The following SLC15A2 variants were observed in gnomAD, a reference collection of about 807,000 sequenced individuals.
The protein encoded by SLC15A2 is solute carrier family 15 member 2.
SLC15A2 carries 77 observed loss-of-function variants against 95.5 expected under a neutral mutation model. The observed-to-expected ratio is 0.81, with a 90% CI of 0.67 to 0.97. SLC15A2 has a LOEUF of 0.97. Among genes scored for constraint, SLC15A2 ranks in the 50% least tolerant of loss-of-function variants. The pLI is 0.00. For missense variants in SLC15A2, 893 were observed against 874.4 expected, an observed-to-expected ratio of 1.02 and a Z score of -0.27; for synonymous variants, 306 against 306.9, an observed-to-expected ratio of 1.00 and a Z score of 0.03.
intron 13 of SLC15A2, among the ~76,000 whole-genome samples, chr3:121,925,586 C>T (rs1236360489): frequency 1.3e-5 from 2 of 148,650 alleles, no homozygotes; most frequent in East Asian, 3.9e-4. Flanking sequence ...ACCACTTTAC[C>T]AGATGAAAAT....
chr3:121,935,911 A>C (rs1336377215), intron 19 of SLC15A2, among the ~76,000 whole-genome samples: 1 of 151,632 alleles, frequency 6.6e-6, no homozygotes, highest in Non-Finnish European at 1.5e-5. Flanking sequence ...TAGTGCTATA[A>C]ATTTCCTTCT....
chr3:121,938,197 A>G (rs1710387840), intron 19 of SLC15A2, among the ~76,000 whole-genome samples: 1 of 151,980 alleles, frequency 6.6e-6, no homozygotes, highest in African/African-American at 2.4e-5. Context: ...TTAAGTCTGC[A>G]GAGGTTACTG....
Position 121,915,332 on chromosome 3 carries a change from G to T in SLC15A2, c.619+15G>T, listed in dbSNP as rs77257517. ...CATGCTGAGAGGTTAGGATTTTTTT[G>T]AGGGGCCCTGTATAAGGCTTTGCTC... On this transcript the variant is annotated intron_variant, in intron 6 of 21. Coordinates refer to ENST00000489711, the MANE Select transcript of SLC15A2 (RefSeq NM_021082.4). 7.4e-7 allele frequency: 1 copy of T among 1,345,688 alleles called. No homozygotes were observed. Among genetic ancestry groups the T allele is most frequent in the African/African-American group, 1.5e-5 (1 of 68,230 alleles). The allele number at this position is 1,345,688 out of a possible 1,614,324, so 83.4% of individuals were successfully genotyped here.
At position 121,894,408 on chromosome 3, in the gene SLC15A2, G is replaced by T; in HGVS notation, c.-69G>T. 1 of 1,217,966 alleles carries T rather than the reference G, an allele frequency of 8.2e-7. No individual in the cohort carries two copies. Among genetic ancestry groups the T allele is most frequent in the Non-Finnish European group, 1.2e-6 (1 of 845,968 alleles). The allele number at this position is 1,217,966 out of a possible 1,614,324, so 75.4% of individuals were successfully genotyped here. A position where few individuals can be genotyped will look rare whatever the true frequency, so the allele number is the denominator to read the frequency against. On this transcript the variant is annotated 5_prime_UTR_variant, in exon 1 of 22. Transcript: ENST00000489711. ...CTCCCAGTCCTTCTTTTCAGAGTAGGCTGGCAGCTGTCCTAACTGCCTACT... is the reference window on the plus strand; with the variant it reads ...CTCCCAGTCCTTCTTTTCAGAGTAGTCTGGCAGCTGTCCTAACTGCCTACT...
At chr3:121,931,517 ATAAT>A in intron 18 of SLC15A2, 118 bp from the exon 19 acceptor site, 1 of 583,820 alleles carries the variant, frequency 1.7e-6, no homozygotes, top group Non-Finnish European at 3.1e-6. Context: ...CTCTTCAAAG[ATAAT>A]TAGTGGCTTC....
intron 13 of SLC15A2, among the ~76,000 whole-genome samples, chr3:121,925,345 G>C (rs1243774458): frequency 1.3e-5 from 2 of 152,034 alleles, no homozygotes; most frequent in Non-Finnish European, 2.9e-5. Context: ...CTTTGTTCTT[G>C]AATGTTGTCT....
intron 3 of SLC15A2, among the ~76,000 whole-genome samples, chr3:121,900,286 T>A (rs551398028): frequency 6.6e-6 from 1 of 152,310 alleles, no homozygotes; most frequent in South Asian, 2.1e-4. Context: ...CCACAATCTC[T>A]CTCACATTTA....
At chr3:121,928,330 A>G (rs1710162352) in intron 14 of SLC15A2, 91 bp from the exon 15 acceptor site, 2 of 1,468,672 alleles carry the variant, frequency 1.4e-6, no homozygotes, top group Non-Finnish European at 1.8e-6. Flanking sequence ...TGGCTAGTGG[A>G]CTAGGCTGTC....
chr3:121,923,883 C>T (rs1710058298), intron 11 of SLC15A2, among the ~76,000 whole-genome samples: 1 of 152,106 alleles, frequency 6.6e-6, no homozygotes, highest in South Asian at 2.1e-4. Flanking sequence ...TTGGAGCCTG[C>T]AAAATATAAT....
intron 13 of SLC15A2, among the ~76,000 whole-genome samples, chr3:121,925,446 G>A (rs944153945): frequency 6.6e-6 from 1 of 151,798 alleles, no homozygotes; most frequent in African/African-American, 2.4e-5. Flanking sequence ...AGTAGGACTG[G>A]GGACTGAATT....
At position 121,940,854 on chromosome 3, in the gene SLC15A2, C is replaced by T; in HGVS notation, c.2037C>T (p.Ser679=). The change falls in exon 22 of 22, where the codon TCC becomes TCT. Residue 679 remains serine (S), a synonymous_variant. Transcript: ENST00000489711. ...AGTGGGCCGAATTCATTTTGTTTTC[C>T]TGCCTCCTGCTGGTGATCTGCCTGA... ...LVQWAEFILF[S]CLLLVICLIF... is the part of the protein sequence containing the mutation. The T allele has an allele frequency of 6.2e-7, 1 of 1,612,016 alleles. No individual in the cohort carries two copies. Among genetic ancestry groups the T allele is most frequent in the Non-Finnish European group, 8.5e-7 (1 of 1,179,452 alleles).
chr3:121,903,290 C>T (rs9831607), intron 3 of SLC15A2, among the ~76,000 whole-genome samples: 113,836 of 152,084 alleles, frequency 0.75, 42,779 homozygotes, highest in East Asian at 0.87. Flanking sequence ...TTTTCTCCCA[C>T]TCTGTAGGTT....
In SLC15A2 at chr3:121,929,043, T is replaced by C; in HGVS notation, c.1403T>C (p.Leu468Pro). The change falls in exon 16 of 22, where the codon CTG (leucine) becomes CCG (proline). Residue 468 changes from leucine (L) to proline (P), a missense_variant. Leu to Pro is a moderately conservative substitution (Grantham distance 98, BLOSUM62 -3). Coordinates refer to ENST00000489711, the MANE Select transcript of SLC15A2 (RefSeq NM_021082.4). ...AAAAGCCAGGATTTTCACTTCCACC[T>C]GAAATATCACAATTTGTCTCTCTAC... Reference protein sequence around the residue: ...KTKSQDFHFHLKYHNLSLYTE... With the variant: ...KTKSQDFHFHPKYHNLSLYTE... 6.2e-7 allele frequency: 1 copy of C among 1,614,116 alleles called. No individual in the cohort carries two copies. Among genetic ancestry groups the C allele is most frequent in the Non-Finnish European group, 8.5e-7 (1 of 1,179,972 alleles).
At chr3:121,900,349 C>T (rs1397674377) in intron 3 of SLC15A2, among the ~76,000 whole-genome samples, 1 of 152,144 alleles carries the variant, frequency 6.6e-6, no homozygotes, top group African/African-American at 2.4e-5. Context: ...CAGTTTTGGT[C>T]TTCATTGTCT....
chr3:121,894,781 A>C (rs889874652), intron 1 of SLC15A2, among the ~76,000 whole-genome samples, 200 bp downstream of exon 1: 2 of 152,224 alleles, frequency 1.3e-5, no homozygotes, highest in African/African-American at 4.8e-5. Flanking sequence ...GAGGTAGTCA[A>C]AGTTCTTCAG....
rs777051542 is a variant in SLC15A2, at chr3:121,923,253, T to C, written c.989T>C (p.Met330Thr). 6.2e-7 allele frequency: 1 copy of C among 1,613,978 alleles called. No individual in the cohort carries two copies. The highest frequency in any genetic ancestry group is 8.5e-7 in the Non-Finnish European group (1 of 1,179,862). Residue 330 changes from methionine to threonine, a missense_variant, in exon 11 of 22, where the codon ATG becomes ACG. By Grantham distance (81) the Met-to-Thr change is moderately conservative. Transcript: ENST00000489711. Reference sequence around the variant, plus strand: ...CGATGGACTTTGCAAGCCATCAGGATGAATAGGAATTTGGTGAGTAGAAGA... The same window carrying C: ...CGATGGACTTTGCAAGCCATCAGGACGAATAGGAATTTGGTGAGTAGAAGA... The part of the protein sequence containing the change: ...GSRWTLQAIR[M>T]NRNLGFFVLQ...
intron 3 of SLC15A2, among the ~76,000 whole-genome samples, chr3:121,898,148 A>G (rs9842387): frequency 0.45 from 67,364 of 149,148 alleles, 15,557 homozygotes; most frequent in East Asian, 0.69. Context: ...GGCAACAGAA[A>G]AAGACTCTGT....
intron 19 of SLC15A2, among the ~76,000 whole-genome samples, chr3:121,934,053 G>A (rs1243531648): frequency 6.6e-6 from 1 of 151,542 alleles, no homozygotes; most frequent in Non-Finnish European, 1.5e-5. Context: ...TCTCAGGTTT[G>A]TCAAAGATCA....
At chr3:121,935,295 G>A (rs28871629) in intron 19 of SLC15A2, among the ~76,000 whole-genome samples, 62,993 of 151,910 alleles carry the variant, frequency 0.41, 13,595 homozygotes, top group East Asian at 0.69. Context: ...AGTTAGGGAG[G>A]ATTCCCTCTT....
Sources: allele counts gnomAD v4.1 joint callset (sites outside exome capture counted in the v4.1 genomes callset), GRCh38; gene constraint gnomAD v4.1.1; transcripts MANE v1.5; gene names NCBI Gene and HGNC (gene_info 2026-07-23, HGNC 2026-07-21).